The following NAV2 variants were observed in gnomAD, a reference collection of about 807,000 sequenced individuals.
NAV2 encodes neuron navigator 2.
Under a neutral mutation model 223.2 loss-of-function variants are expected in NAV2, and 54 were observed. The ratio of observed to expected loss-of-function variants is 0.24; its 90% CI spans 0.19 to 0.30. NAV2 has a LOEUF of 0.30. NAV2 is among the 10% of genes least tolerant of loss of function. NAV2 has a pLI of 1.00. For missense variants in NAV2, 2,806 were observed against 3,147.5 expected (o/e 0.89, Z 2.60); for synonymous variants, 1,279 against 1,239.3 (o/e 1.03, Z -0.67).
In NAV2 at chr11:19,713,738, C is replaced by A; in HGVS notation, c.43C>A (p.Pro15Thr). 6.2e-7 allele frequency: 1 copy of A among 1,609,276 alleles called. No homozygotes were observed. Among genetic ancestry groups the A allele is most frequent in the Non-Finnish European group, 8.5e-7 (1 of 1,177,522 alleles). ...LVASKMKSGL[P>T]KPVHSAAPIL... is the part of the protein sequence containing the mutation. The stretch of plus-strand genomic sequence containing the variant: ...CGCCTCCAAAATGAAGTCGGGACTG[C>A]CCAAACCCGTGCACAGCGCCGCGCC... The change falls in exon 1 of 38, where the codon CCC becomes ACC. Residue 15 changes from proline to threonine, a missense_variant. By Grantham distance (38) the Pro-to-Thr change is conservative. Transcript: ENST00000349880. The surrounding 1 kb of genome is among the most constrained non-coding windows in gnomAD (Gnocchi z 7.2).
rs2059177749 is a variant in NAV2 at position 20,068,304 on chromosome 11, C to G, written c.4909-20C>G. 1 of 1,613,150 alleles carries G rather than the reference C, an allele frequency of 6.2e-7. No individual in the cohort carries two copies. ...AAATGGACCCCCAAAGCATGTAACC[C>G]TCTCCCTTGTCATCTTTAGATTCGC... On this transcript the variant is annotated intron_variant, in intron 21 of 37. Coordinates refer to ENST00000349880, the MANE Select transcript of NAV2 (RefSeq NM_145117.5).
At chr11:19,662,643 C>T (rs1354021673) in intron 1 of NAV2, among the ~76,000 whole-genome samples, 1 of 152,248 alleles carries the variant, frequency 6.6e-6, no homozygotes, top group Non-Finnish European at 1.5e-5. Context: ...ACCGGACAGG[C>T]CTGCCTGTGA....
intron 1 of NAV2, among the ~76,000 whole-genome samples, chr11:19,459,841 G>A (rs1324863332): frequency 6.6e-6 from 1 of 152,196 alleles, no homozygotes; most frequent in Non-Finnish European, 1.5e-5. Flanking sequence ...GAATGTTTTT[G>A]AGCAAGAAAA....
intron 1 of NAV2, among the ~76,000 whole-genome samples, chr11:19,656,133 G>T (rs1346212823): frequency 6.6e-6 from 1 of 152,182 alleles, no homozygotes; most frequent in African/African-American, 2.4e-5. Flanking sequence ...TTATCTCACA[G>T]CACAGCTTCA....
At chr11:19,675,119 C>T (rs2048678959) in intron 1 of NAV2, among the ~76,000 whole-genome samples, 2 of 152,170 alleles carry the variant, frequency 1.3e-5, no homozygotes. Context: ...CCTCCAGGAT[C>T]CTTAGCATGG....
chr11:19,807,247 A>C (rs1259091408), intron 1 of NAV2, among the ~76,000 whole-genome samples: 3 of 152,198 alleles, frequency 2.0e-5, no homozygotes, highest in African/African-American at 4.8e-5. Flanking sequence ...TCCCTTCCAC[A>C]ATACAAACCA....
chr11:19,888,494 T>C (rs1420297629), intron 5 of NAV2, among the ~76,000 whole-genome samples: 3 of 152,210 alleles, frequency 2.0e-5, no homozygotes, highest in Non-Finnish European at 2.9e-5. Flanking sequence ...ATGTTACCAA[T>C]AATGAATCTC....
intron 1 of NAV2, among the ~76,000 whole-genome samples, chr11:19,394,748 T>G (rs1244565264): frequency 6.6e-6 from 1 of 151,932 alleles, no homozygotes; most frequent in Non-Finnish European, 1.5e-5. Context: ...GAGGAAACAG[T>G]GTGGGTAAAA....
intron 11 of NAV2, among the ~76,000 whole-genome samples, chr11:20,005,707 C>A (rs2153496431): frequency 6.6e-6 from 1 of 152,322 alleles, no homozygotes; most frequent in Non-Finnish European, 1.5e-5. Context: ...AGTATTTCAT[C>A]TCACTTCACC....
intron 1 of NAV2, among the ~76,000 whole-genome samples, chr11:19,524,353 C>T (rs973587619): frequency 1.3e-5 from 2 of 152,208 alleles, no homozygotes; most frequent in Admixed American, 1.3e-4. Context: ...ACTGTGCTAG[C>T]TTGTCAGGGA....
At chr11:20,026,801 G>A (rs939782383) in intron 11 of NAV2, among the ~76,000 whole-genome samples, 30 of 152,152 alleles carry the variant, frequency 2.0e-4, no homozygotes, top group African/African-American at 4.8e-5. Flanking sequence ...TGTATGACCC[G>A]TGGGACTATT....
In NAV2 at chr11:20,051,294, C is replaced by T. The variant is rs1270523772; in HGVS notation, c.4442C>T (p.Pro1481Leu). 5 of 1,613,800 alleles carry T rather than the reference C, an allele frequency of 3.1e-6. No individual in the cohort carries two copies. Among genetic ancestry groups the T allele is most frequent in the African/African-American group, 1.3e-5 (1 of 74,898 alleles). ...TTGTTTTAACTTTCCTACAGTGACC[C>T]GCACCTTGATAGGAACACTTTGCCT... ...STLPRKQDSD[P>L]HLDRNTLPKK... The change falls in exon 17 of 38, where the codon CCG becomes CTG. Residue 1481 changes from proline (P) to leucine (L), a missense_variant. Transcript: ENST00000349880.
At chr11:20,106,652 TG>T (rs1398220405) in intron 35 of NAV2, among the ~76,000 whole-genome samples, 1 of 152,030 alleles carries the variant, frequency 6.6e-6, no homozygotes. Flanking sequence ...TTTTTGTTTT[TG>T]TTTTTTGAGA....
intron 1 of NAV2, among the ~76,000 whole-genome samples, chr11:19,495,986 C>T (rs905504090): frequency 6.6e-6 from 1 of 152,064 alleles, no homozygotes. Flanking sequence ...ATCACATCAT[C>T]CCACCTCCCT....
intron 1 of NAV2, among the ~76,000 whole-genome samples, chr11:19,410,501 G>A (rs192818077): frequency 4.6e-4 from 70 of 152,254 alleles, no homozygotes; most frequent in African/African-American, 1.4e-3. Flanking sequence ...CCAGGGTCAC[G>A]CAGTCATTAT....
chr11:20,068,541 A>C (rs532201101), intron 22 of NAV2, 143 bp downstream of exon 22: 2 of 671,990 alleles, frequency 3.0e-6, no homozygotes, highest in Non-Finnish European at 5.2e-6. Context: ...ATGGGTGTGA[A>C]TGTCAGTTTG....
intron 1 of NAV2, among the ~76,000 whole-genome samples, chr11:19,827,038 A>C (rs1328520193): frequency 6.6e-6 from 1 of 152,134 alleles, no homozygotes; most frequent in Non-Finnish European, 1.5e-5. Context: ...TCAGGAAATT[A>C]AGAGGGACTT....
At chr11:20,082,483 C>T (rs866938890) in intron 25 of NAV2, 2 of 1,033,302 alleles carry the variant, frequency 1.9e-6, no homozygotes, top group South Asian at 1.3e-5. Context: ...TTATTATTAG[C>T]CATGTTGTGT....
At chr11:19,901,768 A>G (rs1335157069) in intron 6 of NAV2, among the ~76,000 whole-genome samples, 2 of 152,186 alleles carry the variant, frequency 1.3e-5, no homozygotes, top group Non-Finnish European at 2.9e-5. Flanking sequence ...CTACTTGCAT[A>G]GGTCTTATTT....
Sources: gnomAD v4.1 joint callset for allele counts (sites outside exome capture counted in the v4.1 genomes callset) on GRCh38, gnomAD v4.1.1 for gene constraint, Gnocchi (gnomAD v3.1) non-coding constraint, MANE v1.5 for transcripts, NCBI Gene and HGNC (gene_info 2026-07-23, HGNC 2026-07-21) for gene names.